Variants in MLF1 observed in about 807,000 individuals in gnomAD.
The protein encoded by MLF1 is myelodysplasia-myeloid leukemia factor 1.
A neutral mutation model predicts 38.3 loss-of-function variants in MLF1; 37 were observed. The observed-to-expected ratio is 0.96, with a 90% CI of 0.74 to 1.27. The LOEUF (loss-of-function observed/expected upper bound fraction) is 1.27. Among genes scored for constraint, MLF1 ranks in the 50% most tolerant of loss-of-function variants. The pLI is 0.00. For missense variants in MLF1, 331 were observed against 349.2 expected (o/e 0.95, Z 0.42); for synonymous variants, 95 against 106.5 (o/e 0.89, Z 0.66).
intron 1 of MLF1, chr3:158,589,035 A>G (rs1717743431): frequency 5.2e-6 from 2 of 386,816 alleles, no homozygotes; most frequent in Non-Finnish European, 1.0e-5. Flanking sequence ...TCAAGACTGC[A>G]GGCATTGGTT....
intron 6 of MLF1, among the ~76,000 whole-genome samples, chr3:158,601,707 A>C (rs1331248047): frequency 1.3e-5 from 2 of 151,646 alleles, no homozygotes; most frequent in Non-Finnish European, 2.9e-5. Flanking sequence ...CAGTGAGCCA[A>C]GATCACGCAT....
At chr3:158,587,382 G>A (rs557242123) in intron 1 of MLF1, among the ~76,000 whole-genome samples, 18 of 152,302 alleles carry the variant, frequency 1.2e-4, no homozygotes, top group African/African-American at 2.9e-4. Context: ...AGACCAGAGC[G>A]TAGGTAACCA....
chr3:158,606,336 T>C lies in MLF1; in HGVS notation c.*1134T>C, dbSNP rs1167869378. 1 of 170,004 alleles carries C rather than the reference T, an allele frequency of 5.9e-6. No homozygotes were observed. Among genetic ancestry groups the C allele is most frequent in the Non-Finnish European group, 1.3e-5 (1 of 78,388 alleles). The allele number at this position is 170,004 out of a possible 1,614,324, so 10.5% of individuals were successfully genotyped here. On this transcript the variant is annotated 3_prime_UTR_variant, in exon 8 of 8. Coordinates refer to ENST00000466246, the MANE Select transcript of MLF1 (RefSeq NM_001369783.1). The stretch of plus-strand genomic sequence containing the variant: ...ATCCTAAGTATTTTTCTTTTCAATT[T>C]TGTAAGTAAAATTATATGACTATGT...
At chr3:158,584,082 G>A (rs1716833194) in intron 1 of MLF1, among the ~76,000 whole-genome samples, 1 of 152,220 alleles carries the variant, frequency 6.6e-6, no homozygotes, top group African/African-American at 2.4e-5. Context: ...TGTCTTACAT[G>A]TAGAGTGACT....
intron 1 of MLF1, among the ~76,000 whole-genome samples, chr3:158,574,661 G>T (rs1715142668): frequency 6.8e-6 from 1 of 146,810 alleles, no homozygotes; most frequent in African/African-American, 2.5e-5. Flanking sequence ...TCCAACCTGG[G>T]CAACAAGAGT....
At chr3:158,604,136 GT>G (rs1380822612) in intron 7 of MLF1, among the ~76,000 whole-genome samples, 1 of 152,158 alleles carries the variant, frequency 6.6e-6, no homozygotes, top group Non-Finnish European at 1.5e-5. Flanking sequence ...TAAAATACTT[GT>G]TTAGGAATTT....
intron 1 of MLF1, among the ~76,000 whole-genome samples, chr3:158,579,510 G>A (rs2731121): frequency 0.91 from 138,126 of 152,196 alleles, 62,941 homozygotes; most frequent in East Asian, 1. Context: ...CACTCAGAAA[G>A]ATAAAATTTT....
At chr3:158,604,974 C>T (rs2108665893) in intron 7 of MLF1, 123 bp from the exon 8 acceptor site, 1 of 750,382 alleles carries the variant, frequency 1.3e-6, no homozygotes, top group East Asian at 2.8e-5. Flanking sequence ...TTTTCAAAGC[C>T]ATTAAGGAAT....
chr3:158,591,460 A>G (rs1281317590), intron 1 of MLF1, among the ~76,000 whole-genome samples: 1 of 152,080 alleles, frequency 6.6e-6, no homozygotes, highest in African/African-American at 2.4e-5. Context: ...ACGCCTGGCC[A>G]AGAAAAAATT....
At chr3:158,588,948 T>C (rs770120745) in intron 1 of MLF1, 8 of 453,798 alleles carry the variant, frequency 1.8e-5, no homozygotes, top group South Asian at 7.8e-5. Flanking sequence ...ACTAAAATAC[T>C]TGGGCCAGAG....
At chr3:158,593,057 A>T (rs3765025) in intron 2 of MLF1, among the ~76,000 whole-genome samples, 1 of 151,884 alleles carries the variant, frequency 6.6e-6, no homozygotes, top group South Asian at 2.1e-4. Flanking sequence ...CTTGTATCTC[A>T]AAAGCCTTAC....
intron 1 of MLF1, among the ~76,000 whole-genome samples, chr3:158,588,588 G>A (rs1423291609): frequency 2.1e-4 from 26 of 126,702 alleles, no homozygotes; most frequent in African/African-American, 7.6e-4. Context: ...GCAAGAGAGC[G>A]AGACTCCGTC....
At chr3:158,603,006 T>C (rs908246231) in intron 7 of MLF1, 67 bp downstream of exon 7, 1 of 1,427,310 alleles carries the variant, frequency 7.0e-7, no homozygotes, top group Non-Finnish European at 9.5e-7. Context: ...TGTAATTTAC[T>C]TCTGTTATCA....
chr3:158,601,611 G>T (rs969893554), intron 6 of MLF1, among the ~76,000 whole-genome samples: 1 of 150,492 alleles, frequency 6.6e-6, no homozygotes, highest in Non-Finnish European at 1.5e-5. Flanking sequence ...ACAAAAATCA[G>T]CTGGGCATGG....
In MLF1 at chr3:158,596,860, A is replaced by G. The variant is rs1430109112; in HGVS notation, c.241-2A>G. The G allele has an allele frequency of 3.1e-6, 5 of 1,597,114 alleles. No individual in the cohort carries two copies. The highest frequency in any genetic ancestry group is 4.3e-6 in the Non-Finnish European group (5 of 1,166,784). ...AATAACATACTTCCTGATATTCTGT[A>G]GCATACAGATGTCAGCTCTTTCCAG... On this transcript the variant is annotated splice_acceptor_variant, in intron 3 of 7. Coordinates refer to ENST00000466246, the MANE Select transcript of MLF1 (RefSeq NM_001369783.1). LOFTEE classifies it high-confidence loss of function.
chr3:158,602,663 C>T, intron 6 of MLF1, 144 bp from the exon 7 acceptor site: 1 of 609,198 alleles, frequency 1.6e-6, no homozygotes, highest in Non-Finnish European at 2.6e-6. Context: ...TGTCAAAGAC[C>T]CTTATATTTG....
intron 5 of MLF1, among the ~76,000 whole-genome samples, chr3:158,598,880 T>C (rs1172853799): frequency 6.6e-6 from 1 of 152,170 alleles, no homozygotes. Flanking sequence ...ATTAAAAAAA[T>C]GGATTATTTT....
rs746824276 is a variant in MLF1, at chr3:158,596,927, G to A, written c.306G>A (p.Gln102=). Residue 102 remains glutamine (Q), a synonymous_variant, in exon 4 of 8, where the codon CAG becomes CAA. Transcript: ENST00000466246. The part of the protein sequence containing the change: ...QMVSNMRNYM[Q]KLERNFGQLS... ...TGTCAAATATGAGAAACTATATGCA[G>A]AAATTAGAAAGAAACTTCGTAAGTA... is the stretch of plus-strand genomic sequence containing the variant. 199 of 1,605,580 alleles carry A rather than the reference G, an allele frequency of 1.2e-4. No individual in the cohort carries two copies. Among genetic ancestry groups the A allele is most frequent in the Non-Finnish European group, 1.6e-4 (190 of 1,174,208 alleles).
chr3:158,593,323 T>C (rs951272401), intron 2 of MLF1, 59 bp from the exon 3 acceptor site: 1 of 1,296,432 alleles, frequency 7.7e-7, no homozygotes, highest in Middle Eastern at 1.9e-4. Context: ...AATTGGTAAA[T>C]TGAGAAACTT....
Sources: gnomAD v4.1 joint callset for allele counts (sites outside exome capture counted in the v4.1 genomes callset) on GRCh38, gnomAD v4.1.1 for gene constraint, MANE v1.5 for transcripts, NCBI Gene and HGNC (gene_info 2026-07-23, HGNC 2026-07-21) for gene names.